EGFR: variants seen among roughly 807,000 people sequenced by gnomAD.
EGFR encodes avian erythroblastic leukemia viral (v-erb-b) oncogene homolog.
Under a neutral mutation model 143.0 loss-of-function variants are expected in EGFR, and 58 were observed. The observed-to-expected ratio is 0.41, with a 90% CI of 0.33 to 0.50. The LOEUF (loss-of-function observed/expected upper bound fraction) is 0.50, where lower values mean the gene tolerates loss of function less well. Among genes scored for constraint, EGFR ranks in the 20% least tolerant of loss-of-function variants. The pLI, the probability that EGFR is intolerant of heterozygous loss-of-function variation, is 0.39. For synonymous variants in EGFR, 613 were observed against 594.4 expected, an observed-to-expected ratio of 1.03 and a Z score of -0.45; for missense variants, 1,307 against 1,579.0, an observed-to-expected ratio of 0.83 and a Z score of 2.92.
chr7:55,050,319 C>G (rs1788415560), intron 1 of EGFR, among the ~76,000 whole-genome samples: 1 of 152,182 alleles, frequency 6.6e-6, no homozygotes, highest in African/African-American at 2.4e-5. Flanking sequence ...CTCTAAGCAC[C>G]TCTTATAAGT....
intron 1 of EGFR, chr7:55,118,907 A>G (rs547585182): frequency 3.8e-4 from 52 of 137,402 alleles, no homozygotes; most frequent in Middle Eastern, 3.6e-3. Flanking sequence ...AACTCATACT[A>G]GAAAGCTAGT....
rs554506825 is a variant in EGFR at position 55,109,620 on chromosome 7, G to A, written c.89-32666G>A. ...CGCTTTCCCATGTGAGTCATTGCTA[G>A]TCAGAATATTACCTTTGCAGAGAGG... On this transcript the variant is annotated intron_variant, in intron 1 of 27. Coordinates refer to ENST00000275493, the MANE Select transcript of EGFR (RefSeq NM_005228.5). The A allele has an allele frequency of 5.6e-5, 25 of 444,906 alleles. No homozygotes were observed. The Admixed American group carries it at 5.7e-4, about 10-fold the overall frequency. The allele number at this position is 444,906 out of a possible 1,614,324, so 27.6% of individuals were successfully genotyped here. A position where few individuals can be genotyped will look rare whatever the true frequency, so the allele number is the denominator to read the frequency against.
chr7:55,129,210 G>A (rs184282779), intron 1 of EGFR, among the ~76,000 whole-genome samples: 125 of 152,348 alleles, frequency 8.2e-4, no homozygotes, highest in African/African-American at 2.8e-3. Flanking sequence ...AGCAGATCTA[G>A]CTGGGGAGGC....
intron 1 of EGFR, among the ~76,000 whole-genome samples, chr7:55,078,977 A>G (rs1790298856): frequency 6.6e-6 from 1 of 152,110 alleles, no homozygotes; most frequent in South Asian, 2.1e-4. Flanking sequence ...GCAGGCGGGT[A>G]CTTCTATTCC....
intron 1 of EGFR, among the ~76,000 whole-genome samples, chr7:55,094,394 A>C (rs34737166): frequency 0.021 from 3,206 of 152,280 alleles, 40 homozygotes; most frequent in Non-Finnish European, 0.034. Context: ...GCCTCCTGCC[A>C]CCCACTGATC....
Position 55,165,355 on chromosome 7 carries a change from A to T in EGFR, c.1798A>T (p.Met600Leu), listed in dbSNP as rs746395542. 3 of 1,614,190 alleles carry T rather than the reference A, an allele frequency of 1.9e-6. No homozygotes were observed. The highest frequency in any genetic ancestry group is 2.2e-5 in the South Asian group (2 of 91,086). ...HCVKTCPAGV[M>L]GENNTLVWKY... ...CGTCAAGACCTGCCCGGCAGGAGTC[A>T]TGGGAGAAAACAACACCCTGGTCTG... Residue 600 changes from methionine to leucine, a missense_variant, in exon 15 of 28, where the codon ATG becomes TTG. This residue lies in a region of EGFR where 250 missense variants were observed against 295.1 expected (regional missense o/e 0.85). Coordinates refer to ENST00000275493, the MANE Select transcript of EGFR (RefSeq NM_005228.5).
intron 20 of EGFR, among the ~76,000 whole-genome samples, chr7:55,191,074 ATAT>A (rs1787373777): frequency 6.6e-6 from 1 of 152,148 alleles, no homozygotes; most frequent in South Asian, 2.1e-4. Flanking sequence ...TGCTTCTCAC[ATAT>A]TATTCCTTTC....
chr7:55,152,213 G>A, intron 5 of EGFR: 1 of 466,658 alleles, frequency 2.1e-6, no homozygotes, highest in Admixed American at 2.7e-5. Context: ...TGAATTGTGG[G>A]GGGGCTGTTA....
chr7:55,148,152 T>C (rs1224911907), intron 4 of EGFR, among the ~76,000 whole-genome samples: 5 of 152,238 alleles, frequency 3.3e-5, no homozygotes, highest in African/African-American at 9.6e-5. Flanking sequence ...TCCTGACACC[T>C]ACTATGTTTG....
intron 15 of EGFR, chr7:55,170,719 C>A: frequency 1.3e-6 from 2 of 1,509,616 alleles, no homozygotes; most frequent in Non-Finnish European, 1.8e-6. Context: ...TCTTCCTCCT[C>A]GCTGCCAGAT....
In EGFR at chr7:55,143,405, A is replaced by G; in HGVS notation, c.341A>G (p.Glu114Gly). ...LQIIRGNMYY[E>G]NSYALAVLSN... ...ATCATCAGAGGAAATATGTACTACG[A>G]AAATTCCTATGCCTTAGCAGTCTTA... Residue 114 changes from glutamate to glycine, a missense_variant, in exon 3 of 28, where the codon GAA (glutamate) becomes GGA (glycine). By Grantham distance (98) the Glu-to-Gly change is moderately conservative. This residue lies in a region of EGFR where 311 missense variants were observed against 412.3 expected (regional missense o/e 0.75). Coordinates refer to ENST00000275493, the MANE Select transcript of EGFR (RefSeq NM_005228.5). 1 of 1,614,220 alleles carries G rather than the reference A, an allele frequency of 6.2e-7. No individual in the cohort carries two copies. Among genetic ancestry groups the G allele is most frequent in the Non-Finnish European group, 8.5e-7 (1 of 1,180,044 alleles).
At chr7:55,110,203 A>G (rs1420098038) in intron 1 of EGFR, among the ~76,000 whole-genome samples, 2 of 152,202 alleles carry the variant, frequency 1.3e-5, no homozygotes, top group East Asian at 1.9e-4. Flanking sequence ...AATTCTAGAC[A>G]TAGTAGATTT....
chr7:55,043,366 G>A (rs1788006451), intron 1 of EGFR, among the ~76,000 whole-genome samples: 1 of 152,012 alleles, frequency 6.6e-6, no homozygotes, highest in African/African-American at 2.4e-5. Flanking sequence ...TTGTTTGTTT[G>A]TTTTGTTTTT....
At chr7:55,131,939 GAAAAAAAAA>G (rs1272464184) in intron 1 of EGFR, among the ~76,000 whole-genome samples, 1 of 99,838 alleles carries the variant, frequency 1.0e-5, no homozygotes, top group Admixed American at 1.1e-4. Flanking sequence ...TTTGCTTTCA[GAAAAAAAAA>G]AAAAAAAAAG....
At position 55,211,314 on chromosome 7, in the gene EGFR, G is replaced by C. The variant is rs964927452; in HGVS notation, c.*5697G>C. Reference sequence around the variant, plus strand: ...CAATACAATCTCTTGGAAATTAAGAGATCCTATGGATTTGATGACTGGTAT... The same window carrying C: ...CAATACAATCTCTTGGAAATTAAGACATCCTATGGATTTGATGACTGGTAT... On this transcript the variant is annotated 3_prime_UTR_variant, in exon 28 of 28. Coordinates refer to ENST00000275493, the MANE Select transcript of EGFR (RefSeq NM_005228.5). 5 of 152,230 alleles carry C rather than the reference G, an allele frequency of 3.3e-5. No homozygotes were observed. Among genetic ancestry groups the C allele is most frequent in the African/African-American group, 1.2e-4 (5 of 41,462 alleles). The allele number at this position is 152,230 out of a possible 1,614,324, so 9.4% of individuals were successfully genotyped here.
intron 11 of EGFR, 109 bp downstream of exon 11, chr7:55,157,862 G>A: frequency 9.1e-7 from 1 of 1,098,868 alleles, no homozygotes; most frequent in Non-Finnish European, 1.4e-6. Flanking sequence ...TGCATCTCTC[G>A]CCGGCATTCC....
At chr7:55,112,198 G>A (rs1020061086) in intron 1 of EGFR, among the ~76,000 whole-genome samples, 4 of 152,222 alleles carry the variant, frequency 2.6e-5, no homozygotes, top group Non-Finnish European at 4.4e-5. Context: ...TCACCCCTTC[G>A]GGTCTCATTG....
rs369144433 is a variant in EGFR, at chr7:55,204,567, A to G, written c.3272-689A>G. Among the ~76,000 whole-genome samples, 742 of 143,446 alleles carry G rather than the reference A, an allele frequency of 5.2e-3. 7 individuals are homozygous for G. Among genetic ancestry groups the G allele is most frequent in the African/African-American group, 0.019 (718 of 38,312 alleles). The allele number at this position is 143,446 out of a possible 152,430, so 94.1% of individuals were successfully genotyped here. A position where few individuals can be genotyped will look rare whatever the true frequency, so the allele number is the denominator to read the frequency against. On this transcript the variant is annotated intron_variant, in intron 27 of 27. Transcript: ENST00000275493. ...ACACACACACATACACACCACACAC[A>G]TACACACCACACACACACCACACAT...
chr7:55,058,603 G>A (rs938756112), intron 1 of EGFR, among the ~76,000 whole-genome samples: 1 of 152,130 alleles, frequency 6.6e-6, no homozygotes, highest in Non-Finnish European at 1.5e-5. Flanking sequence ...AAACGAATAA[G>A]AAAAGAAAAC....
Sources: allele counts gnomAD v4.1 joint callset (sites outside exome capture counted in the v4.1 genomes callset), GRCh38; gene constraint gnomAD v4.1.1; regional missense constraint gnomAD v4.1.1; transcripts MANE v1.5; gene names NCBI Gene and HGNC (gene_info 2026-07-23, HGNC 2026-07-21).